FOXP1: variants seen among roughly 807,000 people sequenced by gnomAD.
FOXP1 encodes the protein forkhead box protein P1.
FOXP1 carries 15 observed loss-of-function variants against 98.2 expected under a neutral mutation model. That is an observed-to-expected ratio of 0.15 (90% CI 0.10 to 0.24). The LOEUF is 0.24. Ranked by LOEUF, FOXP1 falls within the 10% of genes least tolerant of loss-of-function variation. The pLI is 1.00. For synonymous variants in FOXP1, 371 were observed against 314.5 expected, an observed-to-expected ratio of 1.18 and a Z score of -1.90; for missense variants, 633 against 848.5, an observed-to-expected ratio of 0.75 and a Z score of 3.15.
At chr3:70,963,876 A>G (rs542374383) in intron 20 of FOXP1, among the ~76,000 whole-genome samples, 18 of 152,350 alleles carry the variant, frequency 1.2e-4, no homozygotes, top group African/African-American at 4.1e-4. Flanking sequence ...GTAAGAATGA[A>G]GAGTTCTGTT....
intron 3 of FOXP1, among the ~76,000 whole-genome samples, chr3:71,402,626 A>C (rs557236794): frequency 3.9e-5 from 6 of 152,368 alleles, no homozygotes; most frequent in African/African-American, 1.4e-4. Flanking sequence ...TAGTTAGGAT[A>C]CAATATAGTT....
chr3:71,289,061 GTC>G (rs1576787854), intron 5 of FOXP1, among the ~76,000 whole-genome samples: 1 of 149,606 alleles, frequency 6.7e-6, no homozygotes, highest in Admixed American at 6.7e-5. Flanking sequence ...TTGAGATGGA[GTC>G]TCTCTCTGTA....
At chr3:71,354,664 G>T (rs991136916) in intron 4 of FOXP1, among the ~76,000 whole-genome samples, 6 of 152,146 alleles carry the variant, frequency 3.9e-5, no homozygotes, top group African/African-American at 1.4e-4. Context: ...TGCCATCTTT[G>T]CCACCTCTAA....
intron 16 of FOXP1, 151 bp from the exon 17 acceptor site, chr3:70,977,193 A>ACAGTT: frequency 1.6e-6 from 1 of 638,282 alleles, no homozygotes; most frequent in Non-Finnish European, 2.8e-6. Flanking sequence ...GTTGTATTTA[A>ACAGTT]CAGTTCAATA....
intron 2 of FOXP1, among the ~76,000 whole-genome samples, chr3:71,550,489 C>T (rs1186356919): frequency 6.6e-6 from 1 of 152,104 alleles, no homozygotes; most frequent in East Asian, 1.9e-4. Context: ...CATACTGCCA[C>T]AGAAGTTTTA....
chr3:71,047,614 C>A (rs1214165362), intron 9 of FOXP1, among the ~76,000 whole-genome samples: 1 of 152,124 alleles, frequency 6.6e-6, no homozygotes, highest in Non-Finnish European at 1.5e-5. Flanking sequence ...GTTAATTAGC[C>A]ATGACAAACG....
intron 20 of FOXP1, among the ~76,000 whole-genome samples, chr3:70,961,436 G>A (rs1234800897): frequency 6.6e-6 from 1 of 151,052 alleles, no homozygotes; most frequent in African/African-American, 2.4e-5. Flanking sequence ...TCACCATATT[G>A]GTGAGGCTGG....
chr3:71,156,508 G>T (rs199768911), intron 6 of FOXP1, among the ~76,000 whole-genome samples: 1 of 64,870 alleles, frequency 1.5e-5, no homozygotes. Context: ...GAGCCTGGGA[G>T]GGGGGGAAAA....
At chr3:71,015,275 GTTTT>G (rs1011570228) in intron 12 of FOXP1, among the ~76,000 whole-genome samples, 1 of 152,024 alleles carries the variant, frequency 6.6e-6, no homozygotes, top group African/African-American at 2.4e-5. Context: ...TACTGGAATC[GTTTT>G]TTTTAATCCT....
At chr3:71,354,597 T>G (rs1297506314) in intron 4 of FOXP1, among the ~76,000 whole-genome samples, 3 of 152,242 alleles carry the variant, frequency 2.0e-5, no homozygotes, top group Non-Finnish European at 4.4e-5. Context: ...TTTGTACTTT[T>G]TGAAGTTAAT....
chr3:71,122,334 A>G (rs1173531838), intron 6 of FOXP1, among the ~76,000 whole-genome samples: 1 of 152,202 alleles, frequency 6.6e-6, no homozygotes, highest in Non-Finnish European at 1.5e-5. Context: ...TAGAAGACAA[A>G]AGAAAGAAAC....
At chr3:71,065,556 A>G (rs971784405) in intron 7 of FOXP1, 1 of 152,186 alleles carries the variant, frequency 6.6e-6, no homozygotes, top group Admixed American at 6.5e-5. Context: ...GGTCTCGCCA[A>G]AGTGTGCCAG....
chr3:71,007,145 T>C (rs954161936), intron 12 of FOXP1, among the ~76,000 whole-genome samples: 4 of 152,138 alleles, frequency 2.6e-5, no homozygotes, highest in African/African-American at 9.7e-5. Flanking sequence ...CCTATTTTTA[T>C]TTTTCTAAAA....
intron 13 of FOXP1, among the ~76,000 whole-genome samples, chr3:70,996,847 C>T (rs578094630): frequency 2.0e-5 from 3 of 152,292 alleles, no homozygotes; most frequent in East Asian, 1.9e-4. Flanking sequence ...TGAACACTTA[C>T]GTACCATGCT....
intron 5 of FOXP1, among the ~76,000 whole-genome samples, chr3:71,275,281 A>G (rs780873300): frequency 6.6e-5 from 10 of 152,104 alleles, no homozygotes; most frequent in Non-Finnish European, 1.5e-4. Flanking sequence ...CTGGGGATGG[A>G]CCATAATTTA....
Position 70,955,675 on chromosome 3 carries a change from C to A in FOXP1, c.*3572G>T. The A allele has an allele frequency of 4.3e-6, 1 of 233,170 alleles. No individual in the cohort carries two copies. The highest frequency in any genetic ancestry group is 6.0e-5 in the East Asian group (1 of 16,542). The allele number at this position is 233,170 out of a possible 1,614,324, so 14.4% of individuals were successfully genotyped here. The stretch of plus-strand genomic sequence containing the variant: ...AGTGTGACCCTGGAATTTCATCATG[C>A]AAAATATTTACTGCAGCAGGAGAAA... On this transcript the variant is annotated 3_prime_UTR_variant, in exon 21 of 21. Transcript: ENST00000649528.
intron 2 of FOXP1, among the ~76,000 whole-genome samples, chr3:71,522,855 G>A (rs1187574425): frequency 6.6e-6 from 1 of 152,152 alleles, no homozygotes; most frequent in African/African-American, 2.4e-5. Flanking sequence ...TCTTTCCCAT[G>A]GTTTTCCTTT....
intron 6 of FOXP1, among the ~76,000 whole-genome samples, chr3:71,181,026 G>T (rs576586310): frequency 3.2e-4 from 48 of 152,282 alleles, no homozygotes; most frequent in Non-Finnish European, 1.6e-4. Flanking sequence ...TCCAAGTAGA[G>T]GTCAGTTTCT....
intron 3 of FOXP1, among the ~76,000 whole-genome samples, chr3:71,461,390 T>C (rs760774640): frequency 2.0e-5 from 3 of 152,156 alleles, no homozygotes; most frequent in Non-Finnish European, 4.4e-5. Flanking sequence ...TCATGCAACA[T>C]AGTAAGTGTA....
Sources: gnomAD v4.1 joint callset for allele counts (sites outside exome capture counted in the v4.1 genomes callset) on GRCh38, gnomAD v4.1.1 for gene constraint, MANE v1.5 for transcripts, NCBI Gene and HGNC (gene_info 2026-07-23, HGNC 2026-07-21) for gene names.